SH3GL2: variants seen among roughly 807,000 people sequenced by gnomAD.
SH3GL2 encodes endophilin-A1.
In SH3GL2, 24 loss-of-function variants were observed where a neutral mutation model predicts 46.0. That is an observed-to-expected ratio of 0.52 (90% confidence interval 0.38 to 0.73). SH3GL2 has a LOEUF of 0.73. SH3GL2 is among the 30% of genes least tolerant of loss of function. The pLI, the probability that SH3GL2 is intolerant of heterozygous loss-of-function variation, is 0.00. For missense variants in SH3GL2, 413 were observed against 424.2 expected (o/e 0.97, Z 0.23); for synonymous variants, 196 against 147.1 (o/e 1.33, Z -2.40).
chr9:17,738,195 G>A (rs1822397331), intron 1 of SH3GL2, among the ~76,000 whole-genome samples: 1 of 151,850 alleles, frequency 6.6e-6, no homozygotes, highest in Non-Finnish European at 1.5e-5. Flanking sequence ...TTTGAGTGCT[G>A]CTATATTCAT....
chr9:17,589,011 G>C (rs963870465), intron 1 of SH3GL2: 6 of 152,116 alleles, frequency 3.9e-5, no homozygotes, highest in African/African-American at 1.4e-4. Flanking sequence ...GCTATTACTG[G>C]TGCCTATAAT....
intron 1 of SH3GL2, among the ~76,000 whole-genome samples, chr9:17,657,977 A>G (rs1323919477): frequency 6.6e-6 from 1 of 152,174 alleles, no homozygotes; most frequent in Non-Finnish European, 1.5e-5. Context: ...AAAACTTTCT[A>G]TTGTTGGACA....
chr9:17,730,992 G>A (rs1472719048), intron 1 of SH3GL2, among the ~76,000 whole-genome samples: 1 of 152,120 alleles, frequency 6.6e-6, no homozygotes, highest in Non-Finnish European at 1.5e-5. Context: ...GGGACTTGAG[G>A]CATGCAAAAC....
intron 2 of SH3GL2, among the ~76,000 whole-genome samples, chr9:17,759,491 G>T (rs924968936): frequency 6.6e-6 from 1 of 152,160 alleles, no homozygotes; most frequent in African/African-American, 2.4e-5. Flanking sequence ...CTTTCAAGAA[G>T]TATAGGATGG....
At chr9:17,638,431 G>C (rs1476822088) in intron 1 of SH3GL2, among the ~76,000 whole-genome samples, 1 of 152,154 alleles carries the variant, frequency 6.6e-6, no homozygotes, top group African/African-American at 2.4e-5. Flanking sequence ...TTACAGTAGA[G>C]AGAGACAAAA....
rs896151953 is a variant in SH3GL2, at chr9:17,795,920, A to G, written c.*177A>G. 7 of 597,942 alleles carry G rather than the reference A, an allele frequency of 1.2e-5. No individual in the cohort carries two copies. In the Admixed American group the frequency reaches 2.1e-4, roughly 18 times the overall value. The allele number at this position is 597,942 out of a possible 1,614,324, so 37.0% of individuals were successfully genotyped here. A position where few individuals can be genotyped will look rare whatever the true frequency, so the allele number is the denominator to read the frequency against. On this transcript the variant is annotated 3_prime_UTR_variant, in exon 9 of 9. Coordinates refer to ENST00000380607, the MANE Select transcript of SH3GL2 (RefSeq NM_003026.5). ...CCCACAGGAGTCATGGTGATGGATG[A>G]TATCCTCTTAGCCTGGTGGGCGTGG...
chr9:17,770,844 G>C (rs1488928289), intron 3 of SH3GL2, among the ~76,000 whole-genome samples: 1 of 152,172 alleles, frequency 6.6e-6, no homozygotes, highest in Non-Finnish European at 1.5e-5. Flanking sequence ...CCACAGAGAA[G>C]TGAACAGCCC....
intron 3 of SH3GL2, among the ~76,000 whole-genome samples, chr9:17,784,534 C>T (rs151032286): frequency 3.3e-5 from 5 of 152,182 alleles, no homozygotes; most frequent in African/African-American, 1.2e-4. Flanking sequence ...TGTCATTCTT[C>T]AGTGTCCCCC....
intron 1 of SH3GL2, among the ~76,000 whole-genome samples, chr9:17,579,774 C>A (rs544794328): frequency 2.0e-5 from 3 of 152,258 alleles, no homozygotes; most frequent in East Asian, 1.9e-4. Context: ...TCTCCCTTAC[C>A]CTGTTGTCAG....
At chr9:17,609,097 T>C (rs750515633) in intron 1 of SH3GL2, among the ~76,000 whole-genome samples, 7 of 152,176 alleles carry the variant, frequency 4.6e-5, no homozygotes, top group Non-Finnish European at 1.0e-4. Context: ...GTCCAGCTAG[T>C]GACAATGTTA....
intron 1 of SH3GL2, among the ~76,000 whole-genome samples, chr9:17,700,102 C>T (rs759942929): frequency 6.8e-6 from 1 of 146,416 alleles, no homozygotes; most frequent in Non-Finnish European, 1.5e-5. Context: ...AACATATGGT[C>T]ATACACATGG....
Position 17,605,974 on chromosome 9 carries a change from T to C in SH3GL2, c.45+26687T>C, listed in dbSNP as rs566288603. Among the ~76,000 whole-genome samples, 7 of 152,334 alleles carry C rather than the reference T, an allele frequency of 4.6e-5. No homozygotes were observed. In the East Asian group the frequency reaches 7.7e-4, roughly 17 times the overall value. On this transcript the variant is annotated intron_variant, in intron 1 of 8. Transcript: ENST00000380607. ...TTATTTTTTGAACTCTGACACTCTA[T>C]GCTTGGTATGCTTGAGCACATGATC...
At chr9:17,670,660 T>C (rs983386498) in intron 1 of SH3GL2, among the ~76,000 whole-genome samples, 1 of 152,258 alleles carries the variant, frequency 6.6e-6, no homozygotes, top group Non-Finnish European at 1.5e-5. Context: ...TGACTATCTT[T>C]AGTCCAACTT....
chr9:17,669,171 T>C lies in SH3GL2; in HGVS notation c.46-77895T>C, dbSNP rs1170433878. Among the ~76,000 whole-genome samples the C allele has an allele frequency of 2.6e-5, 4 of 152,358 alleles. No homozygotes were observed. The East Asian group carries it at 7.7e-4, about 29-fold the overall frequency. ...GAAATAATACAGAGATTTTCTGTAG[T>C]CTGTATCCAGTTTTCCCCAGTGGTA... is the stretch of plus-strand genomic sequence containing the variant. On this transcript the variant is annotated intron_variant, in intron 1 of 8. Coordinates refer to ENST00000380607, the MANE Select transcript of SH3GL2 (RefSeq NM_003026.5).
At chr9:17,583,961 C>T (rs1055770371) in intron 1 of SH3GL2, among the ~76,000 whole-genome samples, 8 of 152,138 alleles carry the variant, frequency 5.3e-5, no homozygotes, top group Admixed American at 1.3e-4. Context: ...TCTTAATTGC[C>T]TCTAAGCAGT....
At chr9:17,590,825 G>C (rs1238192865) in intron 1 of SH3GL2, 2 of 152,204 alleles carry the variant, frequency 1.3e-5, no homozygotes, top group African/African-American at 4.8e-5. Context: ...GCAGTGGCGT[G>C]ACCACGAATC....
intron 1 of SH3GL2, among the ~76,000 whole-genome samples, chr9:17,593,809 C>G (rs1200621728): frequency 6.6e-6 from 1 of 152,130 alleles, no homozygotes; most frequent in Non-Finnish European, 1.5e-5. Flanking sequence ...TGGTGCAATA[C>G]CATCCGTCAT....
chr9:17,687,451 G>C (rs1820949371), intron 1 of SH3GL2, among the ~76,000 whole-genome samples: 1 of 110,656 alleles, frequency 9.0e-6, no homozygotes, highest in African/African-American at 3.7e-5. Context: ...GACTGTTTTT[G>C]ACTCTGTAAC....
At chr9:17,709,505 T>A (rs1821561479) in intron 1 of SH3GL2, among the ~76,000 whole-genome samples, 2 of 151,940 alleles carry the variant, frequency 1.3e-5, no homozygotes, top group African/African-American at 4.8e-5. Flanking sequence ...GTGGGCTGTG[T>A]ATCATTGGTC....
Sources: gnomAD v4.1 joint callset for allele counts (sites outside exome capture counted in the v4.1 genomes callset) on GRCh38, gnomAD v4.1.1 for gene constraint, MANE v1.5 for transcripts, NCBI Gene and HGNC (gene_info 2026-07-23, HGNC 2026-07-21) for gene names.